Variants in COL22A1 observed in about 807,000 individuals in gnomAD.
COL22A1 encodes the protein collagen type XXII alpha 1 chain.
A neutral mutation model predicts 248.9 loss-of-function variants in COL22A1; 221 were observed. The ratio of observed to expected loss-of-function variants is 0.89; its 90% CI spans 0.80 to 0.99. COL22A1 has a LOEUF of 0.99. Among genes scored for constraint, COL22A1 ranks in the 50% least tolerant of loss-of-function variants. COL22A1 has a pLI of 0.00. For synonymous variants in COL22A1, 891 were observed against 793.4 expected, an observed-to-expected ratio of 1.12 and a Z score of -2.07; for missense variants, 2,240 against 2,179.0, an observed-to-expected ratio of 1.03 and a Z score of -0.56.
chr8:138,667,273 A>G (rs1824590387), intron 41 of COL22A1, among the ~76,000 whole-genome samples: 1 of 152,206 alleles, frequency 6.6e-6, no homozygotes, highest in Admixed American at 6.5e-5. Context: ...AGTTTCTACT[A>G]AGAGAAACTA....
chr8:138,709,039 G>A (rs1452649518), intron 30 of COL22A1, among the ~76,000 whole-genome samples: 1 of 152,210 alleles, frequency 6.6e-6, no homozygotes, highest in Non-Finnish European at 1.5e-5. Flanking sequence ...ATGAAAAAAT[G>A]CTCATCATTG....
chr8:138,737,109 C>A (rs975348186), intron 23 of COL22A1, among the ~76,000 whole-genome samples: 4 of 152,152 alleles, frequency 2.6e-5, no homozygotes, highest in Non-Finnish European at 5.9e-5. Context: ...CAGGTCCCTG[C>A]AGAGCTGTGC....
At chr8:138,734,906 T>C (rs1453997919) in intron 23 of COL22A1, among the ~76,000 whole-genome samples, 3 of 152,112 alleles carry the variant, frequency 2.0e-5, no homozygotes, top group Non-Finnish European at 4.4e-5. Context: ...CTCAGCAAAC[T>C]AACACTGGAA....
chr8:138,684,472 G>A lies in COL22A1; in HGVS notation c.2968-3C>T, dbSNP rs949591262. 33 of 1,607,118 alleles carry A rather than the reference G, an allele frequency of 2.1e-5. No individual in the cohort carries two copies. The highest frequency in any genetic ancestry group is 2.7e-5 in the Non-Finnish European group (32 of 1,173,732). Reference sequence around the variant, plus strand: ...AGTCCAGGTGATCCACGGAGTCCCTGGAGAAATAAATAATACAAGGACAAT... The same window carrying A: ...AGTCCAGGTGATCCACGGAGTCCCTAGAGAAATAAATAATACAAGGACAAT... On this transcript the variant is annotated splice_polypyrimidine_tract_variant and splice_region_variant and intron_variant, in intron 38 of 64. Coordinates refer to ENST00000303045, the MANE Select transcript of COL22A1 (RefSeq NM_152888.3).
chr8:138,896,587 G>A (rs142827668), intron 1 of COL22A1, among the ~76,000 whole-genome samples: 1 of 152,334 alleles, frequency 6.6e-6, no homozygotes, highest in East Asian at 1.9e-4. Flanking sequence ...GAATGAGGAA[G>A]TAAATGAATA....
intron 47 of COL22A1, among the ~76,000 whole-genome samples, chr8:138,639,527 A>G: frequency 6.6e-6 from 1 of 152,208 alleles, no homozygotes; most frequent in East Asian, 1.9e-4. Flanking sequence ...TCTTCAGAAG[A>G]GGTTTATTAA....
intron 61 of COL22A1, among the ~76,000 whole-genome samples, chr8:138,598,435 C>T (rs1411884600): frequency 6.6e-6 from 1 of 152,198 alleles, no homozygotes; most frequent in Non-Finnish European, 1.5e-5. Flanking sequence ...GGATTCATTA[C>T]CACGAGGAAG....
At chr8:138,689,113 T>G in intron 36 of COL22A1, 143 bp from the exon 37 acceptor site, 2 of 638,076 alleles carry the variant, frequency 3.1e-6, no homozygotes, top group Non-Finnish European at 2.8e-6. Flanking sequence ...TTTATTTAAA[T>G]TCCCCAAAGC....
In COL22A1 at chr8:138,775,965, C is replaced by A; in HGVS notation, c.1803+1G>T. On this transcript the variant is annotated splice_donor_variant, in intron 16 of 64. Coordinates refer to ENST00000303045, the MANE Select transcript of COL22A1 (RefSeq NM_152888.3). LOFTEE classifies it high-confidence loss of function. The stretch of plus-strand genomic sequence containing the variant: ...GATGAATGAGTGCAGACTATAAATA[C>A]CTTTTCTCCTCGAGTTCCCTTTTCA... 1.2e-6 allele frequency: 2 copies of A among 1,614,090 alleles called. No individual in the cohort carries two copies. Among genetic ancestry groups the A allele is most frequent in the South Asian group, 2.2e-5 (2 of 91,076 alleles).
intron 37 of COL22A1, among the ~76,000 whole-genome samples, chr8:138,687,470 A>G (rs565140179): frequency 6.6e-6 from 1 of 152,258 alleles, no homozygotes; most frequent in Non-Finnish European, 1.5e-5. Flanking sequence ...GGCACCAAGT[A>G]GATGAACTTG....
chr8:138,859,894 C>T (rs1249692539), intron 3 of COL22A1, among the ~76,000 whole-genome samples: 2 of 151,974 alleles, frequency 1.3e-5, no homozygotes, highest in Admixed American at 1.3e-4. Flanking sequence ...GCAACGGTGG[C>T]TGTAGGCTTT....
rs548465128 is a variant in COL22A1, at chr8:138,628,446, A to C, written c.3664-2203T>G. Reference sequence around the variant, plus strand: ...TACTAAAAATACAAAAATTAGTCAGAAATCACTTGAACCCAGCAGATGGAG... The same window carrying C: ...TACTAAAAATACAAAAATTAGTCAGCAATCACTTGAACCCAGCAGATGGAG... On this transcript the variant is annotated intron_variant, in intron 50 of 64. Transcript: ENST00000303045. Among the ~76,000 whole-genome samples the C allele has an allele frequency of 2.0e-5, 3 of 152,258 alleles. No homozygotes were observed. In the East Asian group the frequency reaches 5.8e-4, roughly 29 times the overall value.
At chr8:138,715,595 T>TA (rs1480799605) in intron 30 of COL22A1, 87 bp downstream of exon 30, 22 of 701,736 alleles carry the variant, frequency 3.1e-5, no homozygotes, top group South Asian at 6.1e-5. Context: ...AAAAAAAAGA[T>TA]AGAGTATATT....
intron 41 of COL22A1, among the ~76,000 whole-genome samples, chr8:138,672,045 C>A (rs942265171): frequency 6.6e-6 from 1 of 152,162 alleles, no homozygotes; most frequent in African/African-American, 2.4e-5. Flanking sequence ...TGTGCAGGGT[C>A]AGCACCCCAA....
intron 3 of COL22A1, among the ~76,000 whole-genome samples, chr8:138,866,557 G>A (rs1361406544): frequency 6.6e-6 from 1 of 152,188 alleles, no homozygotes; most frequent in East Asian, 1.9e-4. Flanking sequence ...CATGTGAAAT[G>A]CAGAGTCTCC....
Position 138,716,251 on chromosome 8 carries a change from A to G in COL22A1, c.2439T>C (p.Gly813=). The change falls in exon 29 of 65, where the codon GGT becomes GGC. Residue 813 remains glycine (G), a synonymous_variant. Transcript: ENST00000303045. ...CCTGGTCTCCTTTCTCTCCTCTCAC[A>G]CCTGGGAAGCCTGGAGCCCCTGGGA... is the stretch of plus-strand genomic sequence containing the variant. ...AGLPGAPGFP[G]VRGEKGDQGE... 1.3e-6 allele frequency: 2 copies of G among 1,591,702 alleles called. No individual in the cohort carries two copies. The highest frequency in any genetic ancestry group is 1.7e-6 in the Non-Finnish European group (2 of 1,167,276).
At chr8:138,757,176 G>A (rs904970620) in intron 18 of COL22A1, among the ~76,000 whole-genome samples, 8 of 152,114 alleles carry the variant, frequency 5.3e-5, no homozygotes, top group African/African-American at 1.7e-4. Flanking sequence ...ATCCCAGCGC[G>A]GATATCAAGT....
At chr8:138,883,374 C>A (rs1351167059) in intron 1 of COL22A1, 130 bp from the exon 2 acceptor site, 15 of 589,298 alleles carry the variant, frequency 2.5e-5, no homozygotes, top group Non-Finnish European at 4.5e-5. Flanking sequence ...GGATTCAACT[C>A]CAGGCAGCGA....
chr8:138,652,938 G>A (rs557062371), intron 45 of COL22A1, among the ~76,000 whole-genome samples: 4 of 151,640 alleles, frequency 2.6e-5, no homozygotes, highest in East Asian at 1.9e-4. Flanking sequence ...GTAGAGACGG[G>A]GTTTTCCCAA....
Sources: allele counts gnomAD v4.1 joint callset (sites outside exome capture counted in the v4.1 genomes callset), GRCh38; gene constraint gnomAD v4.1.1; transcripts MANE v1.5; gene names NCBI Gene and HGNC (gene_info 2026-07-23, HGNC 2026-07-21).